Variants in C3orf62 observed in about 807,000 individuals in gnomAD.
C3orf62 encodes the protein chromosome 3 open reading frame 62.
In C3orf62, 16 loss-of-function variants were observed where a neutral mutation model predicts 21.7. That is an observed-to-expected ratio of 0.74 (90% CI 0.50 to 1.12). The LOEUF (loss-of-function observed/expected upper bound fraction) is 1.12. C3orf62 is among the 50% of genes most tolerant of loss of function. The probability of loss-of-function intolerance (pLI) is 0.00; values close to 1 mark genes in which losing one functional copy is unlikely to be tolerated. For synonymous variants in C3orf62, 114 were observed against 117.0 expected, an observed-to-expected ratio of 0.97 and a Z score of 0.17; for missense variants, 310 against 318.8, an observed-to-expected ratio of 0.97 and a Z score of 0.21.
chr3:49,276,322 G>A (rs2046959307), intron 1 of C3orf62, 105 bp downstream of exon 1: 1 of 1,086,926 alleles, frequency 9.2e-7, no homozygotes, highest in Admixed American at 2.4e-5. Flanking sequence ...GCTGCCAAGA[G>A]GAGGCAAGAG....
At position 49,277,168 on chromosome 3, in the gene C3orf62, C is replaced by T. The variant is rs1559461061; in HGVS notation, c.-296G>A. ...CACCCCCCCTTTGGCGAGTCGGCAG[C>T]CACGTCCTTGTCCTCACCCGCAGCG... On this transcript the variant is annotated 5_prime_UTR_variant, in exon 1 of 3. An upstream open reading frame in the 5' UTR gains an earlier in-frame stop. Coordinates refer to ENST00000343010, the MANE Select transcript of C3orf62 (RefSeq NM_198562.3). The T allele has an allele frequency of 2.1e-6, 3 of 1,401,550 alleles. No homozygotes were observed. The highest frequency in any genetic ancestry group is 2.8e-6 in the Non-Finnish European group (3 of 1,061,108). 86.8% of individuals were successfully genotyped at this position (1,401,550 alleles called of 1,614,324 possible).
Position 49,271,456 on chromosome 3 carries a change from A to C in C3orf62, c.539-11T>G. 2 of 1,604,864 alleles carry C rather than the reference A, an allele frequency of 1.2e-6. No homozygotes were observed. On this transcript the variant is annotated splice_polypyrimidine_tract_variant and intron_variant, in intron 2 of 2. Transcript: ENST00000343010. ...GGATGCTTGTATGGTCTTAAAAATAAGAACATTCAGCTTTACAATTCCAGT... is the reference window on the plus strand; with the variant it reads ...GGATGCTTGTATGGTCTTAAAAATACGAACATTCAGCTTTACAATTCCAGT...
chr3:49,277,116 C>G lies in C3orf62; in HGVS notation c.-244G>C. The G allele has an allele frequency of 6.8e-7, 1 of 1,473,798 alleles. No individual in the cohort carries two copies. The highest frequency in any genetic ancestry group is 2.1e-5 in the Admixed American group (1 of 48,548). 91.3% of individuals were successfully genotyped at this position (1,473,798 alleles called of 1,614,324 possible). On this transcript the variant is annotated 5_prime_UTR_variant, in exon 1 of 3. Coordinates refer to ENST00000343010, the MANE Select transcript of C3orf62 (RefSeq NM_198562.3). ...CCCGCCGCTGCCTCCCGCCCCACCG[C>G]GGCTCCCAGGCCGCTGGCCCTACCG...
At chr3:49,271,566 T>C (rs1418240726) in intron 2 of C3orf62, 121 bp from the exon 3 acceptor site, 9 of 1,285,742 alleles carry the variant, frequency 7.0e-6, no homozygotes, top group Non-Finnish European at 8.6e-6. Context: ...AAGCAGGCAT[T>C]CCTGCCCCAG....
rs2046905926 is a variant in C3orf62, at chr3:49,270,361, TTTC to T, written c.*816_*818del. On this transcript the variant is annotated 3_prime_UTR_variant, in exon 3 of 3. Coordinates refer to ENST00000343010, the MANE Select transcript of C3orf62 (RefSeq NM_198562.3). Reference sequence around the variant, plus strand: ...TTCAGTTTCCTTTCTTCCCTTTTTTTTTCTTTTTTTTTTTGAGACAGGGTCTCA... The same window carrying T: ...TTCAGTTTCCTTTCTTCCCTTTTTTTTTTTTTTTTTTGAGACAGGGTCTCA... 2 of 152,444 alleles carry T rather than the reference TTTC, an allele frequency of 1.3e-5. No homozygotes were observed. The highest frequency in any genetic ancestry group is 2.1e-4 in the South Asian group (1 of 4,830). 9.4% of individuals were successfully genotyped at this position (152,444 alleles called of 1,614,324 possible).
At chr3:49,271,576 G>T in intron 2 of C3orf62, 131 bp from the exon 3 acceptor site, 2 of 1,186,792 alleles carry the variant, frequency 1.7e-6, no homozygotes, top group Non-Finnish European at 2.4e-6. Context: ...TCCTGCCCCA[G>T]GACAGGCAGG....
chr3:49,276,186 C>T (rs932495569), intron 1 of C3orf62, among the ~76,000 whole-genome samples: 1 of 152,158 alleles, frequency 6.6e-6, no homozygotes, highest in Non-Finnish European at 1.5e-5. Flanking sequence ...AAGTGGTTTC[C>T]ATGACTGGTT....
At chr3:49,275,203 T>A (rs943947591) in intron 1 of C3orf62, among the ~76,000 whole-genome samples, 3 of 151,776 alleles carry the variant, frequency 2.0e-5, no homozygotes, top group African/African-American at 7.3e-5. Flanking sequence ...AACCTCTGCC[T>A]CCAGGATTCA....
chr3:49,271,572 C>T, intron 2 of C3orf62, 127 bp from the exon 3 acceptor site: 1 of 1,232,584 alleles, frequency 8.1e-7, no homozygotes, highest in Non-Finnish European at 1.1e-6. Flanking sequence ...GCATTCCTGC[C>T]CCAGGACAGG....
rs1269346000 is a variant in C3orf62, at chr3:49,270,816, C to T, written c.*364G>A. On this transcript the variant is annotated 3_prime_UTR_variant, in exon 3 of 3. Transcript: ENST00000343010. ...GGGATTACAGACGTGAGCCACTGTG[C>T]CTGGCCACTCCTGTACTTTTTTAGG... 4 of 186,730 alleles carry T rather than the reference C, an allele frequency of 2.1e-5. No homozygotes were observed. The highest frequency in any genetic ancestry group is 7.1e-5 in the African/African-American group (3 of 42,092). The allele number at this position is 186,730 out of a possible 1,614,324, so 11.6% of individuals were successfully genotyped here.
chr3:49,274,978 C>G (rs1004214929), intron 1 of C3orf62, among the ~76,000 whole-genome samples: 1 of 151,208 alleles, frequency 6.6e-6, no homozygotes, highest in Non-Finnish European at 1.5e-5. Flanking sequence ...CGCAACGGCA[C>G]CCAGCTAATT....
At position 49,271,397 on chromosome 3, in the gene C3orf62, A is replaced by T; in HGVS notation, c.587T>A (p.Phe196Tyr). Residue 196 changes from phenylalanine to tyrosine, a missense_variant, in exon 3 of 3, where the codon TTT (phenylalanine) becomes TAT (tyrosine). Phe to Tyr is a conservative substitution (Grantham distance 22). Transcript: ENST00000343010. ...ACACATGTGGTTCAATTCGTTTTCA[A>T]ATTCTATTTTTCCAGCCAATTCTTC... ...TIEELAGKIE[F>Y]ENELNHMCGH... 1.2e-6 allele frequency: 2 copies of T among 1,614,202 alleles called. No homozygotes were observed. The highest frequency in any genetic ancestry group is 1.7e-6 in the Non-Finnish European group (2 of 1,180,028).
chr3:49,270,907 G>A lies in C3orf62; in HGVS notation c.*273C>T. On this transcript the variant is annotated 3_prime_UTR_variant, in exon 3 of 3. Transcript: ENST00000343010. ...ATGACCCACACCTACCATGGGTACTGGGTATATTGAACATCAATCAAAAAA... is the reference window on the plus strand; with the variant it reads ...ATGACCCACACCTACCATGGGTACTAGGTATATTGAACATCAATCAAAAAA... The A allele has an allele frequency of 2.4e-6, 1 of 424,998 alleles. No individual in the cohort carries two copies. Among genetic ancestry groups the A allele is most frequent in the East Asian group, 4.4e-5 (1 of 22,734 alleles). The allele number at this position is 424,998 out of a possible 1,614,324, so 26.3% of individuals were successfully genotyped here.
rs745436729 is a variant in C3orf62 at position 49,277,066 on chromosome 3, C to T, written c.-194G>A. 1.3e-6 allele frequency: 2 copies of T among 1,483,100 alleles called. No individual in the cohort carries two copies. Among genetic ancestry groups the T allele is most frequent in the Non-Finnish European group, 1.8e-6 (2 of 1,118,252 alleles). The allele number at this position is 1,483,100 out of a possible 1,614,324, so 91.9% of individuals were successfully genotyped here. A position where few individuals can be genotyped will look rare whatever the true frequency, so the allele number is the denominator to read the frequency against. On this transcript the variant is annotated 5_prime_UTR_variant, in exon 1 of 3. Coordinates refer to ENST00000343010, the MANE Select transcript of C3orf62 (RefSeq NM_198562.3). ...CAGAAGCCCCAAAGACGCCCCGCCC[C>T]ACTTCCCACAGCTTCCTGGCCCGCC... is the stretch of plus-strand genomic sequence containing the variant.
Position 49,276,625 on chromosome 3 carries a change from G to C in C3orf62, c.248C>G (p.Pro83Arg), listed in dbSNP as rs1482471816. 3 of 1,614,070 alleles carry C rather than the reference G, an allele frequency of 1.9e-6. No homozygotes were observed. Among genetic ancestry groups the C allele is most frequent in the Admixed American group, 1.7e-5 (1 of 60,000 alleles). The change falls in exon 1 of 3, where the codon CCA (proline) becomes CGA (arginine). Residue 83 changes from proline (P) to arginine (R), a missense_variant. By Grantham distance (103) the Pro-to-Arg change is moderately radical. Coordinates refer to ENST00000343010, the MANE Select transcript of C3orf62 (RefSeq NM_198562.3). ...AGGGTTCTCATTCTCAGGAGCACAT[G>C]GGACAGCAGCAAAAGGAGCAGCAGA... ...CSSAAPFAAV[P>R]CAPENENPAF...
At chr3:49,272,186 C>T (rs1400761589) in intron 2 of C3orf62, among the ~76,000 whole-genome samples, 1 of 152,018 alleles carries the variant, frequency 6.6e-6, no homozygotes, top group Non-Finnish European at 1.5e-5. Context: ...CATCCCTTTA[C>T]TAGGAGCTGT....
chr3:49,272,534 CTTTTTTTTT>C (rs746086446), intron 2 of C3orf62, among the ~76,000 whole-genome samples: 4 of 51,810 alleles, frequency 7.7e-5, no homozygotes, highest in Non-Finnish European at 9.9e-5. Flanking sequence ...TTCTCCTAAT[CTTTTTTTTT>C]TTTTTTTTTT....
rs754490851 is a variant in C3orf62 at position 49,276,487 on chromosome 3, G to A, written c.386C>T (p.Pro129Leu). ...NVLMHSSILA[P>L]ERESWRTAGE... Reference sequence around the variant, plus strand: ...TGCAGTTCTCCAAGACTCTCTTTCAGGTGCCAAAATGGAGGAATGCATCAA... The same window carrying A: ...TGCAGTTCTCCAAGACTCTCTTTCAAGTGCCAAAATGGAGGAATGCATCAA... Residue 129 changes from proline to leucine, a missense_variant, in exon 1 of 3, where the codon CCT becomes CTT. Physicochemically the swap from Pro to Leu is moderately conservative, Grantham distance 98. Coordinates refer to ENST00000343010, the MANE Select transcript of C3orf62 (RefSeq NM_198562.3). 6.2e-7 allele frequency: 1 copy of A among 1,614,026 alleles called. No individual in the cohort carries two copies. The highest frequency in any genetic ancestry group is 8.5e-7 in the Non-Finnish European group (1 of 1,180,034).
At chr3:49,275,961 C>T (rs2046955377) in intron 1 of C3orf62, among the ~76,000 whole-genome samples, 1 of 151,892 alleles carries the variant, frequency 6.6e-6, no homozygotes, top group Non-Finnish European at 1.5e-5. Flanking sequence ...GGGGTAAGAG[C>T]GGGGAGCAGA....
Sources: gnomAD v4.1 joint callset for allele counts (sites outside exome capture counted in the v4.1 genomes callset) on GRCh38, gnomAD v4.1.1 for gene constraint, MANE v1.5 for transcripts, NCBI Gene and HGNC (gene_info 2026-07-23, HGNC 2026-07-21) for gene names.